ADRA1A: variants seen among roughly 807,000 people sequenced by gnomAD.
ADRA1A encodes adrenoceptor alpha 1A.
A neutral mutation model predicts 29.6 loss-of-function variants in ADRA1A; 31 were observed. That is an observed-to-expected ratio of 1.05 (90% CI 0.79 to 1.41). The LOEUF (loss-of-function observed/expected upper bound fraction) is 1.41, where lower values mean the gene tolerates loss of function less well. Among genes scored for constraint, ADRA1A ranks in the 40% most tolerant of loss-of-function variants. ADRA1A has a pLI of 0.00. For missense variants in ADRA1A, 619 were observed against 601.1 expected (o/e 1.03, Z -0.31); for synonymous variants, 311 against 254.3 (o/e 1.22, Z -2.12).
intron 2 of ADRA1A, among the ~76,000 whole-genome samples, chr8:26,774,676 A>C (rs1806418886): frequency 6.6e-6 from 1 of 152,020 alleles, no homozygotes; most frequent in Non-Finnish European, 1.5e-5. Context: ...CTAAAAAAAA[A>C]AAAAAAGGAC....
intron 2 of ADRA1A, among the ~76,000 whole-genome samples, chr8:26,784,309 T>C (rs1168016745): frequency 6.6e-6 from 1 of 152,242 alleles, no homozygotes; most frequent in African/African-American, 2.4e-5. Flanking sequence ...GAAAAAGTCG[T>C]TTCCCGCTGT....
chr8:26,776,119 A>T (rs1265766154), intron 2 of ADRA1A, among the ~76,000 whole-genome samples: 1 of 151,984 alleles, frequency 6.6e-6, no homozygotes, highest in Non-Finnish European at 1.5e-5. Context: ...AGATAAAACC[A>T]TTTTTTCCTG....
rs1390614869 is a variant in ADRA1A, at chr8:26,865,019, G to C, written c.-50C>G. ...TCCGGCTGTCCAGGGCCACCTCCCG[G>C]GCTGGCGCGGAGGCGGGAGCGCGGG... is the stretch of plus-strand genomic sequence containing the variant. On this transcript the variant is annotated 5_prime_UTR_variant, in exon 2 of 3. Coordinates refer to ENST00000380573, the MANE Select transcript of ADRA1A (RefSeq NM_000680.4). This position sits in a 1 kb window ranked among gnomAD's most constrained non-coding sequence, Gnocchi z 7.6. The C allele has an allele frequency of 1.3e-6, 2 of 1,529,294 alleles. No homozygotes were observed. The highest frequency in any genetic ancestry group is 1.7e-6 in the Non-Finnish European group (2 of 1,146,692). The allele number at this position is 1,529,294 out of a possible 1,614,324, so 94.7% of individuals were successfully genotyped here. A position where few individuals can be genotyped will look rare whatever the true frequency, so the allele number is the denominator to read the frequency against.
chr8:26,774,021 T>C (rs1380646606), intron 2 of ADRA1A, among the ~76,000 whole-genome samples: 2 of 152,262 alleles, frequency 1.3e-5, no homozygotes, highest in Non-Finnish European at 2.9e-5. Flanking sequence ...TCAGATAATC[T>C]CTAGGCCTAA....
chr8:26,791,354 T>C lies in ADRA1A; in HGVS notation c.884-20688A>G, dbSNP rs182466696. Reference sequence around the variant, plus strand: ...AGAAAGAATTCTGGGTCATATAATATAAATTTCATAAGGTTTTTGATCCGT... The same window carrying C: ...AGAAAGAATTCTGGGTCATATAATACAAATTTCATAAGGTTTTTGATCCGT... On this transcript the variant is annotated intron_variant, in intron 2 of 2. Coordinates refer to ENST00000380573, the MANE Select transcript of ADRA1A (RefSeq NM_000680.4). Among the ~76,000 whole-genome samples, 141 of 152,274 alleles carry C rather than the reference T, an allele frequency of 9.3e-4. 1 individual carries two copies. The highest frequency in any genetic ancestry group is 3.2e-3 in the African/African-American group (133 of 41,574).
intron 2 of ADRA1A, among the ~76,000 whole-genome samples, chr8:26,830,923 T>C (rs1242931511): frequency 6.6e-6 from 1 of 152,212 alleles, no homozygotes; most frequent in Non-Finnish European, 1.5e-5. Flanking sequence ...ACCTTTTTTC[T>C]TTTTATCTTA....
chr8:26,769,233 T>C lies in ADRA1A; in HGVS notation c.*916A>G. 1 of 985,400 alleles carries C rather than the reference T, an allele frequency of 1.0e-6. No individual in the cohort carries two copies. The highest frequency in any genetic ancestry group is 4.7e-5 in the South Asian group (1 of 21,284). 61.0% of individuals were successfully genotyped at this position (985,400 alleles called of 1,614,324 possible). A position where few individuals can be genotyped will look rare whatever the true frequency, so the allele number is the denominator to read the frequency against. On this transcript the variant is annotated 3_prime_UTR_variant, in exon 3 of 3. Coordinates refer to ENST00000380573, the MANE Select transcript of ADRA1A (RefSeq NM_000680.4). ...TGTCAAGAAAGGCTTTTGTAAGCCA[T>C]GTTGAAATGGCTGTGCAGTAAGTGA...
At chr8:26,754,140 T>C (rs1186844307), downstream of ADRA1A, among the ~76,000 whole-genome samples, 1 of 152,148 alleles carries the variant, frequency 6.6e-6, no homozygotes, top group Non-Finnish European at 1.5e-5. Flanking sequence ...TCAGAAACAC[T>C]TAAACAGCAC....
rs1813953872 is a variant in ADRA1A at position 26,867,041 on chromosome 8, G to C, written c.-792C>G. The stretch of plus-strand genomic sequence containing the variant: ...CTTCTCTGGAGGCGGAGAGGGGACC[G>C]TGTCTCCGAGGCACCAAATCCTTGT... On this transcript the variant is annotated 5_prime_UTR_variant, in exon 1 of 3. Transcript: ENST00000380573. The C allele has an allele frequency of 1.0e-6, 1 of 985,374 alleles. No homozygotes were observed. The highest frequency in any genetic ancestry group is 1.2e-6 in the Non-Finnish European group (1 of 829,962). The allele number at this position is 985,374 out of a possible 1,614,324, so 61.0% of individuals were successfully genotyped here.
chr8:26,857,316 C>T (rs2130773432), intron 2 of ADRA1A, among the ~76,000 whole-genome samples: 1 of 152,160 alleles, frequency 6.6e-6, no homozygotes, highest in African/African-American at 2.4e-5. Context: ...TAAGCCACTA[C>T]CTTTTGGGAT....
At chr8:26,853,121 TA>T (rs144204838) in intron 2 of ADRA1A, among the ~76,000 whole-genome samples, 1 of 152,116 alleles carries the variant, frequency 6.6e-6, no homozygotes, top group African/African-American at 2.4e-5. Context: ...TGAATAATAT[TA>T]AAAATGCAAA....
intron 2 of ADRA1A, among the ~76,000 whole-genome samples, chr8:26,862,419 T>G (rs2130791637): frequency 6.6e-6 from 1 of 152,334 alleles, no homozygotes; most frequent in South Asian, 2.1e-4. Flanking sequence ...ATCTTGACAT[T>G]TTAGGATACA....
intron 2 of ADRA1A, among the ~76,000 whole-genome samples, chr8:26,810,025 T>A (rs1371285405): frequency 6.6e-6 from 1 of 152,216 alleles, no homozygotes; most frequent in Non-Finnish European, 1.5e-5. Flanking sequence ...AAGAGGGAGA[T>A]CTGCCCTTGA....
downstream of ADRA1A, among the ~76,000 whole-genome samples, chr8:26,768,403 C>A (rs535302758): frequency 3.3e-5 from 5 of 152,252 alleles, no homozygotes; most frequent in East Asian, 5.8e-4. Context: ...TATTTTAAAT[C>A]CTTATTGTGA....
Position 26,865,239 on chromosome 8 carries a change from T to A in ADRA1A, c.-270A>T, listed in dbSNP as rs1485012903. 9.2e-6 allele frequency: 12 copies of A among 1,300,658 alleles called. No homozygotes were observed. Among genetic ancestry groups the A allele is most frequent in the Non-Finnish European group, 9.8e-7 (1 of 1,024,340 alleles). The allele number at this position is 1,300,658 out of a possible 1,614,324, so 80.6% of individuals were successfully genotyped here. A position where few individuals can be genotyped will look rare whatever the true frequency, so the allele number is the denominator to read the frequency against. On this transcript the variant is annotated 5_prime_UTR_variant, in exon 2 of 3. Transcript: ENST00000380573. The surrounding 1 kb of genome is among the most constrained non-coding windows in gnomAD (Gnocchi z 7.6). ...CGGGGACCCTCTCCACCTGCCGGGC[T>A]GGCCTAGCCCGGGACCCGGACTCCC... is the stretch of plus-strand genomic sequence containing the variant.
At chr8:26,771,507 C>T (rs1049830525) in intron 2 of ADRA1A, among the ~76,000 whole-genome samples, 8 of 152,298 alleles carry the variant, frequency 5.3e-5, no homozygotes, top group Non-Finnish European at 8.8e-5. Context: ...TTGATGTGCA[C>T]GGCAGGAACC....
rs1028764350 is a variant in ADRA1A at position 26,865,619 on chromosome 8, C to T, written c.-650G>A. 2.0e-6 allele frequency: 2 copies of T among 986,102 alleles called. No individual in the cohort carries two copies. Among genetic ancestry groups the T allele is most frequent in the African/African-American group, 3.5e-5 (2 of 57,230 alleles). The allele number at this position is 986,102 out of a possible 1,614,324, so 61.1% of individuals were successfully genotyped here. On this transcript the variant is annotated 5_prime_UTR_variant, in exon 2 of 3. Transcript: ENST00000380573. The surrounding 1 kb of genome is among the most constrained non-coding windows in gnomAD (Gnocchi z 7.6). Reference sequence around the variant, plus strand: ...CGTAGGTGTGGAATATGTGCTGAGACCCAGGAGGCTGCGGGGCATCGTTTG... The same window carrying T: ...CGTAGGTGTGGAATATGTGCTGAGATCCAGGAGGCTGCGGGGCATCGTTTG...
chr8:26,827,955 G>A (rs762466231), intron 2 of ADRA1A, among the ~76,000 whole-genome samples: 2 of 152,050 alleles, frequency 1.3e-5, no homozygotes, highest in South Asian at 2.1e-4. Context: ...GTGCAGTGGC[G>A]TGATCATGGC....
chr8:26,781,275 A>G (rs777484994), intron 2 of ADRA1A, among the ~76,000 whole-genome samples: 8 of 152,226 alleles, frequency 5.3e-5, no homozygotes, highest in Non-Finnish European at 1.2e-4. Context: ...AATGGTGTAC[A>G]GCATTTAGTA....
Sources: allele counts gnomAD v4.1 joint callset (sites outside exome capture counted in the v4.1 genomes callset), GRCh38; gene constraint gnomAD v4.1.1; non-coding constraint Gnocchi (gnomAD v3.1); transcripts MANE v1.5; gene names NCBI Gene and HGNC (gene_info 2026-07-23, HGNC 2026-07-21).